The following CTNND2 variants were observed in gnomAD, a reference collection of about 807,000 sequenced individuals.
CTNND2 encodes the protein catenin delta-2.
In CTNND2, 22 loss-of-function variants were observed where a neutral mutation model predicts 144.4. That is an observed-to-expected ratio of 0.15 (90% CI 0.11 to 0.22). The LOEUF (loss-of-function observed/expected upper bound fraction) is 0.22. Among genes scored for constraint, CTNND2 ranks in the 10% least tolerant of loss-of-function variants. The pLI is 1.00. For missense variants in CTNND2, 1,353 were observed against 1,618.8 expected (o/e 0.84, Z 2.82); for synonymous variants, 751 against 695.6 (o/e 1.08, Z -1.25).
At chr5:11,112,320 T>A (rs1230024272) in intron 13 of CTNND2, among the ~76,000 whole-genome samples, 1 of 151,220 alleles carries the variant, frequency 6.6e-6, no homozygotes, top group African/African-American at 2.4e-5. Flanking sequence ...GTCAGGAGAG[T>A]CACAGTGATG....
At chr5:11,705,134 A>T (rs902267672) in intron 2 of CTNND2, among the ~76,000 whole-genome samples, 3 of 152,164 alleles carry the variant, frequency 2.0e-5, no homozygotes, top group Non-Finnish European at 4.4e-5. Flanking sequence ...TGCAGGCATA[A>T]ATCATCTCCA....
At chr5:11,476,859 C>A (rs541936659) in intron 3 of CTNND2, among the ~76,000 whole-genome samples, 2 of 152,126 alleles carry the variant, frequency 1.3e-5, no homozygotes, top group African/African-American at 4.8e-5. Context: ...TTTTCACTTC[C>A]TATTTCCCTC....
intron 18 of CTNND2, among the ~76,000 whole-genome samples, chr5:11,012,118 A>G (rs1580032098): frequency 6.6e-6 from 1 of 152,190 alleles, no homozygotes; most frequent in Non-Finnish European, 1.5e-5. Flanking sequence ...AGCAACTCCC[A>G]TGGATATATT....
intron 18 of CTNND2, among the ~76,000 whole-genome samples, chr5:11,015,236 GAATTTGGTTTTCTCAC>G (rs1160295265): frequency 4.6e-5 from 7 of 152,206 alleles, no homozygotes; most frequent in African/African-American, 1.7e-4. Flanking sequence ...AAAGATGAAT[GAATTTGGTTTTCTCAC>G]AAAGGAGCTT....
chr5:11,419,534 T>C (rs1425791336), intron 3 of CTNND2, among the ~76,000 whole-genome samples: 1 of 152,230 alleles, frequency 6.6e-6, no homozygotes, highest in Non-Finnish European at 1.5e-5. Flanking sequence ...AGTGTCATTT[T>C]TACAATGTTT....
intron 2 of CTNND2, among the ~76,000 whole-genome samples, chr5:11,589,683 C>T (rs543227165): frequency 4.9e-4 from 75 of 152,124 alleles, no homozygotes; most frequent in Non-Finnish European, 9.1e-4. Context: ...GAGTCTTTTA[C>T]CTGATTCTTT....
At chr5:11,053,011 A>G (rs1745999445) in intron 16 of CTNND2, among the ~76,000 whole-genome samples, 1 of 152,178 alleles carries the variant, frequency 6.6e-6, no homozygotes, top group Non-Finnish European at 1.5e-5. Flanking sequence ...TTTAGATTTA[A>G]TCAGTCTCTT....
chr5:11,128,101 C>G (rs1754859547), intron 12 of CTNND2, among the ~76,000 whole-genome samples: 1 of 152,014 alleles, frequency 6.6e-6, no homozygotes, highest in Non-Finnish European at 1.5e-5. Context: ...CTATTTTGTC[C>G]CTGGAAAATC....
intron 1 of CTNND2, among the ~76,000 whole-genome samples, chr5:11,765,990 T>C (rs1211368841): frequency 6.6e-6 from 1 of 152,204 alleles, no homozygotes; most frequent in Non-Finnish European, 1.5e-5. Flanking sequence ...CTAAAATACA[T>C]GCCATGAAAC....
chr5:11,134,516 C>T (rs929258515), intron 12 of CTNND2, among the ~76,000 whole-genome samples: 2 of 152,200 alleles, frequency 1.3e-5, no homozygotes, highest in Admixed American at 6.5e-5. Flanking sequence ...TGGAAAACTA[C>T]TATATTCACA....
intron 15 of CTNND2, among the ~76,000 whole-genome samples, chr5:11,092,178 T>C (rs930846946): frequency 3.9e-5 from 6 of 152,312 alleles, no homozygotes; most frequent in African/African-American, 1.4e-4. Context: ...ATGTCTAGTG[T>C]CTTACTAAAA....
chr5:11,173,454 A>G (rs900457429), intron 11 of CTNND2, among the ~76,000 whole-genome samples: 8 of 152,218 alleles, frequency 5.3e-5, no homozygotes, highest in African/African-American at 1.4e-4. Flanking sequence ...GATTCTGTAG[A>G]GAATCCCAGC....
At chr5:11,774,233 T>C (rs1790112763) in intron 1 of CTNND2, among the ~76,000 whole-genome samples, 1 of 151,870 alleles carries the variant, frequency 6.6e-6, no homozygotes, top group Non-Finnish European at 1.5e-5. Context: ...CTTGCGATAG[T>C]TTACTGAGAA....
chr5:11,113,869 G>A (rs1753275632), intron 13 of CTNND2, among the ~76,000 whole-genome samples: 1 of 152,230 alleles, frequency 6.6e-6, no homozygotes, highest in Non-Finnish European at 1.5e-5. Context: ...GTGAAAGGTA[G>A]CAGGTGCCCT....
chr5:11,264,311 G>A (rs886560505), intron 9 of CTNND2, among the ~76,000 whole-genome samples: 2 of 152,146 alleles, frequency 1.3e-5, no homozygotes, highest in Non-Finnish European at 2.9e-5. Context: ...AAGTTATGAG[G>A]TCATATTGGA....
chr5:11,771,211 G>GTTTTTTTT (rs1302426806), intron 1 of CTNND2, among the ~76,000 whole-genome samples: 36 of 125,188 alleles, frequency 2.9e-4, no homozygotes, highest in South Asian at 1.8e-3. Flanking sequence ...TTTTTTTTTG[G>GTTTTTTTT]GATGGAGTCT....
chr5:11,627,083 A>T (rs1421964550), intron 2 of CTNND2, among the ~76,000 whole-genome samples: 1 of 152,134 alleles, frequency 6.6e-6, no homozygotes, highest in Non-Finnish European at 1.5e-5. Flanking sequence ...TATGCTCCAA[A>T]ATTGGGTCAT....
At chr5:11,392,604 T>C (rs1408746303) in intron 6 of CTNND2, among the ~76,000 whole-genome samples, 1 of 152,148 alleles carries the variant, frequency 6.6e-6, no homozygotes. Context: ...CAAACTAAAT[T>C]TGCTTATCCT....
intron 1 of CTNND2, among the ~76,000 whole-genome samples, chr5:11,880,539 A>T (rs1048188309): frequency 1.5e-5 from 2 of 136,476 alleles, no homozygotes; most frequent in Admixed American, 1.5e-4. Context: ...TACCACCACC[A>T]CTACTACTAC....
Sources: allele counts gnomAD v4.1 joint callset (sites outside exome capture counted in the v4.1 genomes callset), GRCh38; gene constraint gnomAD v4.1.1; transcripts MANE v1.5; gene names NCBI Gene and HGNC (gene_info 2026-07-23, HGNC 2026-07-21).